The following AP3S1 variants were observed in gnomAD, a reference collection of about 807,000 sequenced individuals.
The protein encoded by AP3S1 is adaptor related protein complex 3 subunit sigma 1.
AP3S1 carries 12 observed loss-of-function variants against 21.3 expected under a neutral mutation model. The ratio of observed to expected loss-of-function variants is 0.56; its 90% CI spans 0.36 to 0.91. The LOEUF is 0.91. AP3S1 is among the 40% of genes least tolerant of loss of function. The pLI is 0.01. For synonymous variants in AP3S1, 48 were observed against 78.4 expected, an observed-to-expected ratio of 0.61 and a Z score of 2.05; for missense variants, 116 against 225.0, an observed-to-expected ratio of 0.52 and a Z score of 3.10.
intron 1 of AP3S1, among the ~76,000 whole-genome samples, chr5:115,863,902 G>C (rs570639283): frequency 7.9e-5 from 12 of 152,352 alleles, no homozygotes; most frequent in African/African-American, 2.6e-4. Context: ...TGCTGACCAA[G>C]AGGTAGCAGA....
chr5:115,862,401 A>G (rs1561483885), intron 1 of AP3S1, among the ~76,000 whole-genome samples: 2 of 152,236 alleles, frequency 1.3e-5, no homozygotes, highest in Non-Finnish European at 2.9e-5. Flanking sequence ...ATCATTTACT[A>G]CCATAAAATA....
rs146835609 is a variant in AP3S1 at position 115,847,545 on chromosome 5, G to A, written c.69+5439G>A. ...TGAGGTGAGAGGATCACTGAGCTCC[G>A]GAGATCAAGGCTGCAATGAGCTGAG... On this transcript the variant is annotated intron_variant, in intron 1 of 5. Transcript: ENST00000316788. Among the ~76,000 whole-genome samples, 270 of 152,256 alleles carry A rather than the reference G, an allele frequency of 1.8e-3. 1 individual carries two copies. Among genetic ancestry groups the A allele is most frequent in the Non-Finnish European group, 2.2e-3 (147 of 68,022 alleles).
chr5:115,881,838 A>G (rs981702411), intron 3 of AP3S1, among the ~76,000 whole-genome samples: 1 of 152,132 alleles, frequency 6.6e-6, no homozygotes, highest in South Asian at 2.1e-4. Flanking sequence ...AGGTACACCA[A>G]TCAAACATAG....
At chr5:115,907,781 G>GT (rs1561530354) in intron 5 of AP3S1, among the ~76,000 whole-genome samples, 1 of 152,024 alleles carries the variant, frequency 6.6e-6, no homozygotes, top group African/African-American at 2.4e-5. Flanking sequence ...TTTCCTGTAC[G>GT]TTTTTTCACA....
intron 3 of AP3S1, among the ~76,000 whole-genome samples, chr5:115,882,915 A>G (rs889937487): frequency 1.3e-5 from 2 of 152,122 alleles, no homozygotes; most frequent in African/African-American, 4.8e-5. Flanking sequence ...GGAGTAATCT[A>G]GAGAGGCAGT....
intron 5 of AP3S1, chr5:115,912,245 T>C (rs1015132057): frequency 1.3e-5 from 2 of 152,008 alleles, no homozygotes; most frequent in Non-Finnish European, 2.9e-5. Flanking sequence ...TCTAATTTTA[T>C]GGACATTGCC....
intron 3 of AP3S1, among the ~76,000 whole-genome samples, chr5:115,870,408 A>G (rs1014821846): frequency 1.3e-5 from 2 of 152,138 alleles, no homozygotes; most frequent in Non-Finnish European, 2.9e-5. Flanking sequence ...TGTATCCAAA[A>G]CTAACCCTAA....
At chr5:115,896,206 C>A (rs1236509995) in intron 4 of AP3S1, among the ~76,000 whole-genome samples, 1 of 152,100 alleles carries the variant, frequency 6.6e-6, no homozygotes, top group Non-Finnish European at 1.5e-5. Context: ...GTACATGTAA[C>A]CAGCATCACA....
At chr5:115,880,450 A>C (rs958549822) in intron 3 of AP3S1, among the ~76,000 whole-genome samples, 1 of 152,070 alleles carries the variant, frequency 6.6e-6, no homozygotes, top group South Asian at 2.1e-4. Context: ...CCTTAATTTC[A>C]TTATTTACCC....
chr5:115,902,406 C>G (rs1751292741), intron 4 of AP3S1, among the ~76,000 whole-genome samples: 1 of 151,982 alleles, frequency 6.6e-6, no homozygotes, highest in Non-Finnish European at 1.5e-5. Flanking sequence ...AAAATTCTAC[C>G]TTTTTCCAAT....
intron 3 of AP3S1, among the ~76,000 whole-genome samples, chr5:115,892,661 G>C (rs1428103503): frequency 6.6e-6 from 1 of 152,120 alleles, no homozygotes; most frequent in Non-Finnish European, 1.5e-5. Flanking sequence ...GACTTGGAAG[G>C]GTAGTGGAGG....
At chr5:115,854,648 G>C (rs1762669100) in intron 1 of AP3S1, among the ~76,000 whole-genome samples, 1 of 151,564 alleles carries the variant, frequency 6.6e-6, no homozygotes, top group South Asian at 2.1e-4. Flanking sequence ...TAAATGTTTG[G>C]AGTGCTCTGA....
At chr5:115,895,027 A>T in intron 3 of AP3S1, 60 bp from the exon 4 acceptor site, 1 of 1,160,452 alleles carries the variant, frequency 8.6e-7, no homozygotes, top group Non-Finnish European at 1.2e-6. Flanking sequence ...TGCCTTCCTT[A>T]TAGATAATAG....
chr5:115,881,996 A>G (rs192715997), intron 3 of AP3S1, among the ~76,000 whole-genome samples: 129 of 151,420 alleles, frequency 8.5e-4, no homozygotes, highest in African/African-American at 2.8e-3. Context: ...TGATTTGGCT[A>G]TTGATACTGT....
intron 1 of AP3S1, among the ~76,000 whole-genome samples, chr5:115,855,139 C>G (rs902560563): frequency 6.6e-6 from 1 of 151,892 alleles, no homozygotes; most frequent in Admixed American, 6.6e-5. Flanking sequence ...TGGGTTCAAG[C>G]GATTCTCCTG....
At chr5:115,885,913 A>G (rs1749739351) in intron 3 of AP3S1, among the ~76,000 whole-genome samples, 1 of 152,244 alleles carries the variant, frequency 6.6e-6, no homozygotes, top group Non-Finnish European at 1.5e-5. Flanking sequence ...AACTGTTAAC[A>G]GTAGATTTAT....
intron 1 of AP3S1, among the ~76,000 whole-genome samples, chr5:115,842,328 C>T (rs901379174): frequency 6.6e-6 from 1 of 152,204 alleles, no homozygotes; most frequent in East Asian, 1.9e-4. Flanking sequence ...CGGGCGGTTC[C>T]TCCGCCCGTC....
intron 4 of AP3S1, 105 bp downstream of exon 4, chr5:115,895,263 T>A: frequency 1.3e-6 from 1 of 756,902 alleles, no homozygotes; most frequent in East Asian, 3.0e-5. Flanking sequence ...ATTCTTTTAT[T>A]ATTCAATTCA....
At chr5:115,896,125 A>C (rs2112549972) in intron 4 of AP3S1, among the ~76,000 whole-genome samples, 1 of 152,284 alleles carries the variant, frequency 6.6e-6, no homozygotes, top group East Asian at 1.9e-4. Context: ...GGCTTTATTG[A>C]GGCATAATTT....
Sources: gnomAD v4.1 joint callset for allele counts (sites outside exome capture counted in the v4.1 genomes callset) on GRCh38, gnomAD v4.1.1 for gene constraint, MANE v1.5 for transcripts, NCBI Gene and HGNC (gene_info 2026-07-23, HGNC 2026-07-21) for gene names.